NRXN3: variants seen among roughly 807,000 people sequenced by gnomAD.
The protein encoded by NRXN3 is neurexin III.
In NRXN3, 32 loss-of-function variants were observed where a neutral mutation model predicts 137.6. The observed-to-expected ratio is 0.23, with a 90% confidence interval of 0.18 to 0.31. The LOEUF (loss-of-function observed/expected upper bound fraction) is 0.31, where lower values mean the gene tolerates loss of function less well. Among genes scored for constraint, NRXN3 ranks in the 10% least tolerant of loss-of-function variants. The probability of loss-of-function intolerance (pLI) is 1.00; values close to 1 mark genes in which losing one functional copy is unlikely to be tolerated. For synonymous variants in NRXN3, 798 were observed against 784.5 expected, an observed-to-expected ratio of 1.02 and a Z score of -0.29; for missense variants, 1,574 against 2,062.5, an observed-to-expected ratio of 0.76 and a Z score of 4.59.
chr14:79,176,405 C>T (rs1239885120), intron 15 of NRXN3, among the ~76,000 whole-genome samples: 1 of 152,124 alleles, frequency 6.6e-6, no homozygotes, highest in Non-Finnish European at 1.5e-5. Context: ...CTAGTTTTCC[C>T]ACAGAAAACC....
intron 15 of NRXN3, among the ~76,000 whole-genome samples, chr14:79,166,003 G>C (rs2061250424): frequency 6.6e-6 from 1 of 151,978 alleles, no homozygotes; most frequent in African/African-American, 2.4e-5. Flanking sequence ...GGATCAGGAA[G>C]AGAATGTTCT....
At chr14:78,750,734 GC>G in intron 8 of NRXN3, among the ~76,000 whole-genome samples, 1 of 152,028 alleles carries the variant, frequency 6.6e-6, no homozygotes, top group Non-Finnish European at 1.5e-5. Context: ...GTTTGTGTAG[GC>G]AAAAACCCCC....
intron 15 of NRXN3, among the ~76,000 whole-genome samples, chr14:79,447,187 C>T (rs2096075298): frequency 1.3e-5 from 2 of 152,120 alleles, no homozygotes; most frequent in South Asian, 4.1e-4. Context: ...CCACATCGTT[C>T]CTTCTGGGGT....
At chr14:79,058,033 A>G (rs1194366285) in intron 15 of NRXN3, among the ~76,000 whole-genome samples, 3 of 152,168 alleles carry the variant, frequency 2.0e-5, no homozygotes, top group Admixed American at 1.3e-4. Context: ...GGTTAAAAAT[A>G]TGAATCTTTG....
intron 15 of NRXN3, among the ~76,000 whole-genome samples, chr14:79,420,379 A>C (rs142983291): frequency 6.6e-6 from 1 of 152,130 alleles, no homozygotes; most frequent in Non-Finnish European, 1.5e-5. Flanking sequence ...AAACTGATGT[A>C]TGACAGAAAA....
intron 4 of NRXN3, among the ~76,000 whole-genome samples, chr14:78,403,330 C>T (rs1598292988): frequency 6.6e-6 from 1 of 152,184 alleles, no homozygotes; most frequent in East Asian, 1.9e-4. Flanking sequence ...TTTAGTCATG[C>T]ATTCTGATCA....
intron 10 of NRXN3, among the ~76,000 whole-genome samples, chr14:78,843,415 A>C (rs960274042): frequency 6.6e-6 from 1 of 152,144 alleles, no homozygotes; most frequent in African/African-American, 2.4e-5. Context: ...GGCTCCATGT[A>C]TAGCAATGTT....
At chr14:79,430,550 ATCT>A (rs2153550898) in intron 15 of NRXN3, among the ~76,000 whole-genome samples, 1 of 152,300 alleles carries the variant, frequency 6.6e-6, no homozygotes, top group African/African-American at 2.4e-5. Flanking sequence ...TAAAGGTCAC[ATCT>A]TCTTGAATTT....
chr14:78,301,888 C>T (rs2076909672), intron 4 of NRXN3, among the ~76,000 whole-genome samples: 1 of 152,200 alleles, frequency 6.6e-6, no homozygotes, highest in Non-Finnish European at 1.5e-5. Context: ...TTATGCTAAT[C>T]CCAGGTGGCT....
intron 15 of NRXN3, among the ~76,000 whole-genome samples, chr14:79,254,576 G>A (rs1285390254): frequency 1.3e-5 from 2 of 152,164 alleles, no homozygotes; most frequent in East Asian, 3.9e-4. Flanking sequence ...GTGCTGAACA[G>A]CTGACGAACA....
intron 15 of NRXN3, among the ~76,000 whole-genome samples, chr14:79,000,680 C>T (rs1458135734): frequency 6.6e-6 from 1 of 152,044 alleles, no homozygotes; most frequent in African/African-American, 2.4e-5. Flanking sequence ...GGTTAGAGCT[C>T]ACATCAGTGC....
intron 4 of NRXN3, among the ~76,000 whole-genome samples, chr14:78,420,386 T>C (rs2093390647): frequency 6.6e-6 from 1 of 152,176 alleles, no homozygotes; most frequent in Non-Finnish European, 1.5e-5. Context: ...ATATGTGAAA[T>C]ATGATTATTA....
rs147142927 is a variant in NRXN3 at position 78,731,181 on chromosome 14, A to G, written c.2044+16042A>G. Reference sequence around the variant, plus strand: ...GGGACAATTGATATAATGAATCTTGACTTTGGTAGGACTGTTATTCTGTCT... The same window carrying G: ...GGGACAATTGATATAATGAATCTTGGCTTTGGTAGGACTGTTATTCTGTCT... On this transcript the variant is annotated intron_variant, in intron 8 of 20. Transcript: ENST00000335750. Among the ~76,000 whole-genome samples the G allele has an allele frequency of 7.4e-3, 1,125 of 152,076 alleles. 22 individuals are homozygous for G. Among genetic ancestry groups the G allele is most frequent in the African/African-American group, 0.025 (1,055 of 41,482 alleles).
At chr14:78,648,337 CA>C (rs1184270189) in intron 5 of NRXN3, among the ~76,000 whole-genome samples, 1 of 152,174 alleles carries the variant, frequency 6.6e-6, no homozygotes, top group African/African-American at 2.4e-5. Context: ...CTGAGGTTAC[CA>C]GTCTTCCAGT....
chr14:79,543,481 C>T (rs1168545637), intron 16 of NRXN3, among the ~76,000 whole-genome samples: 1 of 152,124 alleles, frequency 6.6e-6, no homozygotes, highest in Non-Finnish European at 1.5e-5. Context: ...GGTTCTAGGG[C>T]CTGTGGTTTC....
At chr14:79,490,198 A>C (rs10142950) in intron 16 of NRXN3, among the ~76,000 whole-genome samples, 81,772 of 151,964 alleles carry the variant, frequency 0.54, 24,875 homozygotes, top group African/African-American at 0.85. Flanking sequence ...AAAGGGAACC[A>C]CTGAACACTG....
intron 15 of NRXN3, among the ~76,000 whole-genome samples, chr14:79,082,960 T>TA (rs1369649389): frequency 3.9e-5 from 6 of 152,204 alleles, no homozygotes; most frequent in Admixed American, 3.9e-4. Flanking sequence ...ACAGGATTGC[T>TA]ACACTACACC....
At chr14:78,298,162 G>A (rs555212249) in intron 4 of NRXN3, among the ~76,000 whole-genome samples, 9 of 152,228 alleles carry the variant, frequency 5.9e-5, no homozygotes, top group Admixed American at 4.6e-4. Context: ...TGACGGTGTC[G>A]ATAATGGGGG....
intron 15 of NRXN3, among the ~76,000 whole-genome samples, chr14:79,285,755 C>G (rs1005196081): frequency 1.3e-5 from 2 of 152,164 alleles, no homozygotes; most frequent in Non-Finnish European, 2.9e-5. Context: ...CCTGTCCTCA[C>G]ATACACTCAC....
Sources: gnomAD v4.1 joint callset for allele counts (sites outside exome capture counted in the v4.1 genomes callset) on GRCh38, gnomAD v4.1.1 for gene constraint, MANE v1.5 for transcripts, NCBI Gene and HGNC (gene_info 2026-07-23, HGNC 2026-07-21) for gene names.